PDE8B: variants seen among roughly 807,000 people sequenced by gnomAD.
PDE8B encodes high affinity cAMP-specific and IBMX-insensitive 3',5'-cyclic phosphodiesterase 8B.
Under a neutral mutation model 101.3 loss-of-function variants are expected in PDE8B, and 26 were observed. The ratio of observed to expected loss-of-function variants is 0.26; its 90% confidence interval spans 0.19 to 0.36. The LOEUF (loss-of-function observed/expected upper bound fraction) is 0.36. Ranked by LOEUF, PDE8B falls within the 10% of genes least tolerant of loss-of-function variation. The pLI, the probability that PDE8B is intolerant of heterozygous loss-of-function variation, is 1.00. For missense variants in PDE8B, 810 were observed against 1,163.1 expected (o/e 0.70, Z 4.42); for synonymous variants, 424 against 429.3 (o/e 0.99, Z 0.15).
chr5:77,322,300 C>CCTGAA (rs1027158502), intron 2 of PDE8B, among the ~76,000 whole-genome samples: 3 of 152,068 alleles, frequency 2.0e-5, no homozygotes, highest in African/African-American at 7.2e-5. Context: ...AATTAGCAAC[C>CCTGAA]CTGAGAAGGG....
the PDE8B span, among the ~76,000 whole-genome samples, chr5:77,116,467 C>T: frequency 6.6e-6 from 1 of 152,128 alleles, no homozygotes; most frequent in Non-Finnish European, 1.5e-5. Flanking sequence ...GTCTTGAACT[C>T]CTGACCTCAA....
chr5:77,342,845 A>G (rs2150376817), intron 6 of PDE8B, among the ~76,000 whole-genome samples: 1 of 152,322 alleles, frequency 6.6e-6, no homozygotes, highest in South Asian at 2.1e-4. Context: ...TTTGCCTTTC[A>G]CCATGCCAGG....
chr5:77,390,159 C>A (rs1193977193), intron 10 of PDE8B, among the ~76,000 whole-genome samples: 6 of 152,116 alleles, frequency 3.9e-5, no homozygotes, highest in Non-Finnish European at 8.8e-5. Flanking sequence ...GATTAAGAGA[C>A]AAATGACCCT....
At chr5:77,110,938 T>A in the PDE8B span, among the ~76,000 whole-genome samples, 1 of 152,200 alleles carries the variant, frequency 6.6e-6, no homozygotes, top group Admixed American at 6.5e-5. Context: ...TCGAAAGAAT[T>A]TGGCAAAATT....
intron 18 of PDE8B, among the ~76,000 whole-genome samples, chr5:77,419,032 G>A (rs760562227): frequency 2.0e-5 from 3 of 152,140 alleles, no homozygotes; most frequent in East Asian, 1.9e-4. Flanking sequence ...GAGCTCACTC[G>A]GGCCTCAGGA....
intron 1 of PDE8B, among the ~76,000 whole-genome samples, chr5:77,227,658 C>A (rs1269909518): frequency 6.6e-6 from 1 of 152,118 alleles, no homozygotes; most frequent in Non-Finnish European, 1.5e-5. Flanking sequence ...CTTAACTATG[C>A]TGTGAGCCAC....
chr5:77,296,148 C>G (rs997801848), intron 1 of PDE8B, among the ~76,000 whole-genome samples: 1 of 148,446 alleles, frequency 6.7e-6, no homozygotes, highest in Non-Finnish European at 1.5e-5. Context: ...TCCTCCTCCT[C>G]CTCTTCTTCA....
chr5:77,154,492 G>A, the PDE8B span, among the ~76,000 whole-genome samples: 26 of 152,302 alleles, frequency 1.7e-4, no homozygotes, highest in South Asian at 8.3e-4. Context: ...GCAGAGGCCC[G>A]TCAGGAGAAT....
At chr5:77,323,329 G>C (rs1581038169) in intron 2 of PDE8B, among the ~76,000 whole-genome samples, 1 of 152,312 alleles carries the variant, frequency 6.6e-6, no homozygotes, top group Non-Finnish European at 1.5e-5. Flanking sequence ...GGCTGAAGAA[G>C]TTCAGACCCT....
At chr5:77,257,703 A>T (rs1160664464) in intron 1 of PDE8B, among the ~76,000 whole-genome samples, 2 of 152,108 alleles carry the variant, frequency 1.3e-5, no homozygotes, top group Non-Finnish European at 2.9e-5. Flanking sequence ...CGTGTGCAGG[A>T]TATGCAGGTT....
chr5:77,413,942 C>A (rs990501594), intron 17 of PDE8B, among the ~76,000 whole-genome samples: 2 of 152,156 alleles, frequency 1.3e-5, no homozygotes, highest in African/African-American at 4.8e-5. Flanking sequence ...AAGAGATCCC[C>A]ATCTCTCCTC....
intron 10 of PDE8B, among the ~76,000 whole-genome samples, chr5:77,365,444 G>A (rs1259290714): frequency 2.0e-5 from 3 of 152,198 alleles, no homozygotes; most frequent in Admixed American, 6.5e-5. Flanking sequence ...CAGGCTGATA[G>A]AAGGATGGCC....
rs1000037727 is a variant in PDE8B at position 77,349,348 on chromosome 5, G to A, written c.877-71G>A. 9.8e-5 allele frequency: 156 copies of A among 1,593,800 alleles called. 1 individual carries two copies. The highest frequency in any genetic ancestry group is 1.2e-4 in the Non-Finnish European group (145 of 1,163,338). On this transcript the variant is annotated intron_variant, in intron 7 of 21. Transcript: ENST00000264917. ...TCTGGGTCCCAACAAGTCTTCCTAC[G>A]GGGCACACAGACATTTCATGAATTC...
the PDE8B span, among the ~76,000 whole-genome samples, chr5:77,137,773 T>A: frequency 1.3e-5 from 2 of 151,936 alleles, no homozygotes; most frequent in East Asian, 3.9e-4. Context: ...TAAAATAGGG[T>A]GTGGTTTATG....
chr5:77,196,870 A>T, the PDE8B span, among the ~76,000 whole-genome samples: 1 of 152,170 alleles, frequency 6.6e-6, no homozygotes. Flanking sequence ...CTTCTTTAGT[A>T]GAGGGAAATC....
chr5:77,091,797 T>C, the PDE8B span, among the ~76,000 whole-genome samples: 1 of 152,220 alleles, frequency 6.6e-6, no homozygotes, highest in Admixed American at 6.5e-5. Flanking sequence ...CTTTATTGCT[T>C]TGAGTGTCTA....
the PDE8B span, among the ~76,000 whole-genome samples, chr5:77,132,037 T>C: frequency 6.6e-6 from 1 of 152,196 alleles, no homozygotes; most frequent in South Asian, 2.1e-4. Flanking sequence ...CAAAAATATT[T>C]GTACCTAGAA....
the PDE8B span, among the ~76,000 whole-genome samples, chr5:77,108,471 G>A: frequency 6.6e-6 from 1 of 152,074 alleles, no homozygotes; most frequent in Non-Finnish European, 1.5e-5. Flanking sequence ...ATCACTTAAG[G>A]CCAGGATTTG....
chr5:77,108,812 CA>C, the PDE8B span, among the ~76,000 whole-genome samples: 1 of 152,138 alleles, frequency 6.6e-6, no homozygotes, highest in Non-Finnish European at 1.5e-5. Context: ...CCACATTCAA[CA>C]AAAGATAATT....
Sources: allele counts gnomAD v4.1 joint callset (sites outside exome capture counted in the v4.1 genomes callset), GRCh38; gene constraint gnomAD v4.1.1; transcripts MANE v1.5; gene names NCBI Gene and HGNC (gene_info 2026-07-23, HGNC 2026-07-21).